Variants in PHTF2 observed in about 807,000 individuals in gnomAD.
PHTF2 encodes the protein putative homeodomain transcription factor 2.
A neutral mutation model predicts 101.2 loss-of-function variants in PHTF2; 60 were observed. That is an observed-to-expected ratio of 0.59 (90% CI 0.48 to 0.73). The LOEUF (loss-of-function observed/expected upper bound fraction) is 0.73, where lower values mean the gene tolerates loss of function less well. PHTF2 is among the 30% of genes least tolerant of loss of function. The probability of loss-of-function intolerance (pLI) is 0.00; values close to 1 mark genes in which losing one functional copy is unlikely to be tolerated. For synonymous variants in PHTF2, 311 were observed against 307.3 expected, an observed-to-expected ratio of 1.01 and a Z score of -0.13; for missense variants, 747 against 908.7, an observed-to-expected ratio of 0.82 and a Z score of 2.29.
intron 5 of PHTF2, among the ~76,000 whole-genome samples, chr7:77,900,270 T>C (rs571333496): frequency 6.6e-6 from 1 of 152,254 alleles, no homozygotes; most frequent in Admixed American, 6.5e-5. Context: ...TCTGCATCCT[T>C]TCTGGTCCTC....
intron 11 of PHTF2, 92 bp from the exon 11 acceptor site, chr7:77,929,017 C>A: frequency 1.2e-6 from 1 of 862,094 alleles, no homozygotes. Flanking sequence ...GTTGTTTTAG[C>A]AAAAAGTATC....
intron 3 of PHTF2, among the ~76,000 whole-genome samples, chr7:77,875,171 G>A (rs1798825242): frequency 6.6e-6 from 1 of 152,006 alleles, no homozygotes; most frequent in Admixed American, 6.6e-5. Flanking sequence ...GATTATCTTT[G>A]GTAGTATGGT....
At chr7:77,822,366 C>G (rs934536519) in intron 1 of PHTF2, among the ~76,000 whole-genome samples, 5 of 152,124 alleles carry the variant, frequency 3.3e-5, no homozygotes, top group African/African-American at 9.7e-5. Context: ...GGCTACTAAC[C>G]TCCAGAGCAG....
intron 1 of PHTF2, among the ~76,000 whole-genome samples, chr7:77,814,083 C>T (rs771880799): frequency 2.6e-5 from 4 of 152,166 alleles, no homozygotes; most frequent in Non-Finnish European, 5.9e-5. Context: ...ACAATTCAGT[C>T]CTCATTTCTA....
At chr7:77,811,333 G>A (rs1245822276) in intron 1 of PHTF2, among the ~76,000 whole-genome samples, 2 of 152,152 alleles carry the variant, frequency 1.3e-5, no homozygotes, top group African/African-American at 2.4e-5. Flanking sequence ...TAGTTAAGGA[G>A]GTATCTGCCA....
intron 3 of PHTF2, among the ~76,000 whole-genome samples, chr7:77,867,992 C>T (rs1017866012): frequency 6.6e-6 from 1 of 152,202 alleles, no homozygotes; most frequent in African/African-American, 2.4e-5. Flanking sequence ...GTAGTTAATA[C>T]AGATGAGAGG....
chr7:77,827,759 G>T (rs956781475), intron 1 of PHTF2, among the ~76,000 whole-genome samples: 1 of 151,888 alleles, frequency 6.6e-6, no homozygotes, highest in Non-Finnish European at 1.5e-5. Context: ...CCTGCCTCAG[G>T]ATCCCAAGTA....
chr7:77,836,795 ACAT>A (rs1445916169), intron 1 of PHTF2, among the ~76,000 whole-genome samples: 2 of 151,536 alleles, frequency 1.3e-5, no homozygotes, highest in Non-Finnish European at 2.9e-5. Flanking sequence ...AGGGAGGGAA[ACAT>A]CATACACCAG....
At chr7:77,871,507 A>G (rs1006145180) in intron 3 of PHTF2, among the ~76,000 whole-genome samples, 3 of 152,202 alleles carry the variant, frequency 2.0e-5, no homozygotes, top group Non-Finnish European at 4.4e-5. Context: ...GTAATGTCTC[A>G]GGAACAGGAA....
chr7:77,817,558 A>G (rs1354870295), intron 1 of PHTF2, among the ~76,000 whole-genome samples: 1 of 152,094 alleles, frequency 6.6e-6, no homozygotes, highest in Non-Finnish European at 1.5e-5. Flanking sequence ...AGAACTTACT[A>G]TCACAAGAAT....
chr7:77,875,614 G>A (rs1440487717), intron 3 of PHTF2, among the ~76,000 whole-genome samples: 2 of 151,834 alleles, frequency 1.3e-5, no homozygotes, highest in African/African-American at 2.4e-5. Flanking sequence ...CTGGAGTGCG[G>A]TGGCACCATC....
intron 1 of PHTF2, among the ~76,000 whole-genome samples, chr7:77,814,533 G>A (rs1793697048): frequency 7.0e-6 from 1 of 143,544 alleles, no homozygotes; most frequent in South Asian, 2.2e-4. Flanking sequence ...TTTTTTTTGA[G>A]ACAGAGTCTT....
intron 11 of PHTF2, among the ~76,000 whole-genome samples, chr7:77,928,745 T>C (rs536402657): frequency 3.9e-5 from 6 of 152,322 alleles, no homozygotes; most frequent in Non-Finnish European, 8.8e-5. Flanking sequence ...GTATTGCCAT[T>C]AATAACATCA....
intron 19 of PHTF2, 101 bp from the exon 19 acceptor site, chr7:77,954,757 G>A: frequency 1.5e-6 from 1 of 666,900 alleles, no homozygotes; most frequent in South Asian, 1.9e-5. Context: ...AACTGCACTT[G>A]TTTGTGAATG....
At chr7:77,893,324 CAT>C (rs538039900) in intron 3 of PHTF2, among the ~76,000 whole-genome samples, 150 of 152,120 alleles carry the variant, frequency 9.9e-4, no homozygotes, top group African/African-American at 3.2e-3. Flanking sequence ...ATTTTTAAAA[CAT>C]AGGTTTTGGG....
chr7:77,910,387 C>T (rs1802271586), exon 9 of PHTF2: 1 of 1,612,560 alleles, frequency 6.2e-7, no homozygotes, highest in Admixed American at 1.7e-5. Context: ...AGATCTCTGG[C>T]ATGCTGCTTT....
intron 5 of PHTF2, among the ~76,000 whole-genome samples, chr7:77,896,173 C>T (rs946995857): frequency 2.0e-5 from 3 of 152,060 alleles, no homozygotes; most frequent in African/African-American, 7.2e-5. Flanking sequence ...TGTACAAAGT[C>T]ATGGGGTACA....
intron 3 of PHTF2, among the ~76,000 whole-genome samples, chr7:77,874,473 GA>G (rs1798772053): frequency 6.6e-6 from 1 of 152,188 alleles, no homozygotes; most frequent in Non-Finnish European, 1.5e-5. Flanking sequence ...TCTGCAAGCT[GA>G]GGAGCAAGGA....
At chr7:77,920,364 A>C (rs763675811) in exon 10 of PHTF2, 1 of 1,611,638 alleles carries the variant, frequency 6.2e-7, no homozygotes, top group South Asian at 1.1e-5. Context: ...GACTGTTAAA[A>C]GCGGTGAAGA....
Sources: allele counts gnomAD v4.1 joint callset (sites outside exome capture counted in the v4.1 genomes callset), GRCh38; gene constraint gnomAD v4.1.1; transcripts MANE v1.5; gene names NCBI Gene and HGNC (gene_info 2026-07-23, HGNC 2026-07-21).